DNAH6: variants seen among roughly 807,000 people sequenced by gnomAD.
DNAH6 encodes axonemal beta dynein heavy chain 6.
A neutral mutation model predicts 491.4 loss-of-function variants in DNAH6; 340 were observed. The observed-to-expected ratio is 0.69, with a 90% CI of 0.63 to 0.76. The LOEUF (loss-of-function observed/expected upper bound fraction) is 0.76, where lower values mean the gene tolerates loss of function less well. Ranked by LOEUF, DNAH6 falls within the 30% of genes least tolerant of loss-of-function variation. The pLI, the probability that DNAH6 is intolerant of heterozygous loss-of-function variation, is 0.00. For missense variants in DNAH6, 4,443 were observed against 4,972.2 expected (o/e 0.89, Z 3.20); for synonymous variants, 1,603 against 1,686.1 (o/e 0.95, Z 1.21).
intron 61 of DNAH6, among the ~76,000 whole-genome samples, chr2:84,731,215 C>G (rs936752124): frequency 6.6e-6 from 1 of 152,178 alleles, no homozygotes; most frequent in Non-Finnish European, 1.5e-5. Flanking sequence ...CAGCTAAGAG[C>G]ACAGGGCTCC....
Position 84,814,283 on chromosome 2 carries a change from A to G in DNAH6, c.12150+161A>G, listed in dbSNP as rs17025590. Among the ~76,000 whole-genome samples the G allele has an allele frequency of 0.032, 4,812 of 152,314 alleles. 278 individuals are homozygous for G. Among genetic ancestry groups the G allele is most frequent in the African/African-American group, 0.11 (4,573 of 41,550 alleles). ...TCCAAGATAAGCTCCCCAATTAGCA[A>G]TGACCAGATGGGAACTGCCTAAACT... On this transcript the variant is annotated intron_variant, in intron 75 of 76. Transcript: ENST00000389394.
chr2:84,683,735 T>C (rs1002579963), intron 42 of DNAH6, among the ~76,000 whole-genome samples: 4 of 152,138 alleles, frequency 2.6e-5, no homozygotes, highest in Admixed American at 2.6e-4. Context: ...TATTTTTTTT[T>C]CTCTAAAAAG....
intron 11 of DNAH6, among the ~76,000 whole-genome samples, chr2:84,558,270 T>C (rs1407684015): frequency 6.6e-6 from 1 of 151,520 alleles, no homozygotes; most frequent in Non-Finnish European, 1.5e-5. Context: ...TACTAAAAAA[T>C]ACAAAAAATT....
chr2:84,770,555 A>C (rs1675507423), intron 64 of DNAH6, among the ~76,000 whole-genome samples: 1 of 152,214 alleles, frequency 6.6e-6, no homozygotes, highest in Admixed American at 6.5e-5. Context: ...TTTGGAGATA[A>C]AAAGTACAAT....
rs1382961395 is a variant in DNAH6, at chr2:84,762,785, G to C, written c.10543G>C (p.Glu3515Gln). 1 of 1,550,362 alleles carries C rather than the reference G, an allele frequency of 6.5e-7. No homozygotes were observed. Among genetic ancestry groups the C allele is most frequent in the South Asian group, 1.2e-5 (1 of 83,862 alleles). Residue 3515 changes from glutamate (E) to glutamine (Q), a missense_variant, in exon 64 of 77, where the codon GAA becomes CAA. Physicochemically the swap from Glu to Gln is conservative, Grantham distance 29. Transcript: ENST00000389394. ...VVFALTDFVI[E>Q]NLGKQFIETP... ...TTTTGCTCTTACAGACTTTGTGATA[G>C]AAAATCTTGGAAAACAGTTTATAGA... is the stretch of plus-strand genomic sequence containing the variant.
At chr2:84,587,796 C>T (rs1439647336) in intron 15 of DNAH6, among the ~76,000 whole-genome samples, 1 of 152,124 alleles carries the variant, frequency 6.6e-6, no homozygotes, top group African/African-American at 2.4e-5. Flanking sequence ...CTTGAATTCC[C>T]TCATGGCGAA....
At chr2:84,674,170 A>G (rs1367581821) in intron 40 of DNAH6, among the ~76,000 whole-genome samples, 1 of 152,198 alleles carries the variant, frequency 6.6e-6, no homozygotes, top group Non-Finnish European at 1.5e-5. Flanking sequence ...CAACATCCCT[A>G]CAAGATGGAT....
chr2:84,638,515 C>T (rs1359005312), intron 31 of DNAH6, among the ~76,000 whole-genome samples: 1 of 151,924 alleles, frequency 6.6e-6, no homozygotes, highest in East Asian at 1.9e-4. Context: ...GGACACTACC[C>T]CTTTAGGATG....
intron 70 of DNAH6, among the ~76,000 whole-genome samples, chr2:84,798,004 G>T (rs1246167383): frequency 6.6e-6 from 1 of 152,062 alleles, no homozygotes; most frequent in African/African-American, 2.4e-5. Flanking sequence ...ACCAGGCTGG[G>T]CACATTTGTG....
At chr2:84,665,828 T>G (rs1249712832) in intron 37 of DNAH6, among the ~76,000 whole-genome samples, 1 of 152,160 alleles carries the variant, frequency 6.6e-6, no homozygotes, top group African/African-American at 2.4e-5. Context: ...ATATCCCTGA[T>G]GAACACTGAT....
chr2:84,582,172 A>G (rs190936174), intron 14 of DNAH6, among the ~76,000 whole-genome samples: 11 of 152,274 alleles, frequency 7.2e-5, no homozygotes, highest in Admixed American at 7.2e-4. Context: ...GCTTAGAAAA[A>G]TGGGAAGATT....
chr2:84,796,112 G>A (rs1209870596), intron 68 of DNAH6, among the ~76,000 whole-genome samples, 194 bp from the exon 69 acceptor site: 1 of 152,168 alleles, frequency 6.6e-6, no homozygotes, highest in Non-Finnish European at 1.5e-5. Context: ...AGTACATATA[G>A]TAGATTTTTT....
At chr2:84,763,714 A>G (rs923279218) in intron 64 of DNAH6, among the ~76,000 whole-genome samples, 6 of 126,896 alleles carry the variant, frequency 4.7e-5, no homozygotes, top group Admixed American at 1.6e-4. Flanking sequence ...AACTGATAGG[A>G]TGTGTGTGTG....
rs1686354803 is a variant in DNAH6, at chr2:84,611,727, T to C, written c.3348T>C (p.Asn1116=). The change falls in exon 22 of 77, where the codon AAT becomes AAC. Residue 1116 remains asparagine, a synonymous_variant. Coordinates refer to ENST00000389394, the MANE Select transcript of DNAH6 (RefSeq NM_001370.2). Reference sequence around the variant, plus strand: ...GGCTCTACCTAGAAAGTATTTTCAATGCTCCAGACATTCAGAGGCAATTGC... The same window carrying C: ...GGCTCTACCTAGAAAGTATTTTCAACGCTCCAGACATTCAGAGGCAATTGC... ...RNWLYLESIF[N]APDIQRQLPA... The C allele has an allele frequency of 1.4e-5, 21 of 1,551,144 alleles. 1 individual carries two copies. Among genetic ancestry groups the C allele is most frequent in the African/African-American group, 1.2e-4 (9 of 73,116 alleles).
chr2:84,607,837 G>GACAACAAT (rs1394615697), intron 21 of DNAH6, among the ~76,000 whole-genome samples: 1 of 152,024 alleles, frequency 6.6e-6, no homozygotes, highest in African/African-American at 2.4e-5. Flanking sequence ...CCTAAAACAA[G>GACAACAAT]ACAACAATGA....
chr2:84,617,000 C>T lies in DNAH6; in HGVS notation c.3572+18C>T. ...TTTCCAAGGTAAGTTTATAAAGCAA[C>T]CTAAGATATTTTTTAGTAGTTATGA... is the stretch of plus-strand genomic sequence containing the variant. On this transcript the variant is annotated intron_variant, in intron 23 of 76. Transcript: ENST00000389394. 7.3e-7 allele frequency: 1 copy of T among 1,369,766 alleles called. No homozygotes were observed. The highest frequency in any genetic ancestry group is 9.8e-7 in the Non-Finnish European group (1 of 1,016,810). 84.9% of individuals were successfully genotyped at this position (1,369,766 alleles called of 1,614,324 possible). A position where few individuals can be genotyped will look rare whatever the true frequency, so the allele number is the denominator to read the frequency against.
intron 49 of DNAH6, among the ~76,000 whole-genome samples, chr2:84,703,099 G>A (rs1462086006): frequency 6.6e-6 from 1 of 152,148 alleles, no homozygotes; most frequent in Non-Finnish European, 1.5e-5. Flanking sequence ...GCTACCACAG[G>A]GAATAAAAAC....
intron 8 of DNAH6, among the ~76,000 whole-genome samples, chr2:84,549,407 G>T (rs2104549647): frequency 6.6e-6 from 1 of 152,294 alleles, no homozygotes; most frequent in East Asian, 1.9e-4. Flanking sequence ...GACTCAGTCT[G>T]CATTCTAAGT....
intron 45 of DNAH6, among the ~76,000 whole-genome samples, chr2:84,693,397 T>G (rs1010922964): frequency 1.1e-4 from 16 of 149,622 alleles, no homozygotes; most frequent in African/African-American, 2.0e-4. Flanking sequence ...TTTGGGGGGG[T>G]TTCCCTCCTT....
Sources: allele counts gnomAD v4.1 joint callset (sites outside exome capture counted in the v4.1 genomes callset), GRCh38; gene constraint gnomAD v4.1.1; transcripts MANE v1.5; gene names NCBI Gene and HGNC (gene_info 2026-07-23, HGNC 2026-07-21).